Variants in NFATC3 observed in about 807,000 individuals in gnomAD.
NFATC3 encodes the protein nuclear factor of activated T cells 3.
NFATC3 carries 46 observed loss-of-function variants against 98.6 expected under a neutral mutation model. The ratio of observed to expected loss-of-function variants is 0.47; its 90% CI spans 0.37 to 0.60. The LOEUF is 0.60. NFATC3 is among the 20% of genes least tolerant of loss of function. The pLI is 0.00. For missense variants in NFATC3, 1,256 were observed against 1,295.5 expected (o/e 0.97, Z 0.47); for synonymous variants, 512 against 472.2 (o/e 1.08, Z -1.09).
intron 9 of NFATC3, among the ~76,000 whole-genome samples, chr16:68,196,978 C>T (rs1289688585): frequency 1.3e-5 from 2 of 151,718 alleles, no homozygotes; most frequent in Non-Finnish European, 1.5e-5. Context: ...TGCGGTGAGC[C>T]GAGATTGCGC....
intron 3 of NFATC3, among the ~76,000 whole-genome samples, chr16:68,155,131 A>T (rs1471243130): frequency 6.6e-6 from 1 of 152,202 alleles, no homozygotes; most frequent in Non-Finnish European, 1.5e-5. Flanking sequence ...CAGGGAGGAT[A>T]ACCAATAAAT....
chr16:68,174,698 A>G (rs1000656359), intron 6 of NFATC3, among the ~76,000 whole-genome samples, 184 bp downstream of exon 6: 1 of 152,216 alleles, frequency 6.6e-6, no homozygotes, highest in Non-Finnish European at 1.5e-5. Context: ...ATTATCTTTA[A>G]GGAGCTGGGC....
At chr16:68,140,131 GGACTACAA>G (rs2037671311) in intron 3 of NFATC3, among the ~76,000 whole-genome samples, 1 of 152,044 alleles carries the variant, frequency 6.6e-6, no homozygotes, top group Non-Finnish European at 1.5e-5. Context: ...CAAGTAGTTG[GGACTACAA>G]GGCTCATGCC....
At chr16:68,213,034 C>T (rs2041480187) in intron 9 of NFATC3, among the ~76,000 whole-genome samples, 1 of 148,078 alleles carries the variant, frequency 6.8e-6, no homozygotes, top group Non-Finnish European at 1.5e-5. Flanking sequence ...GTCCTCACCT[C>T]ATGATCCACC....
intron 3 of NFATC3, among the ~76,000 whole-genome samples, chr16:68,145,023 G>A (rs982027813): frequency 6.6e-6 from 1 of 152,056 alleles, no homozygotes; most frequent in African/African-American, 2.4e-5. Flanking sequence ...GCCCAGGCTG[G>A]TCTACAACTC....
rs771353158 is a variant in NFATC3 at position 68,166,935 on chromosome 16, G to A, written c.1694G>A (p.Arg565Gln). Reference sequence around the variant, plus strand: ...ATTGGCAGAAAGAATACTAGAGTACGACTTGTGTTTCGTGTACACATCCCA... The same window carrying A: ...ATTGGCAGAAAGAATACTAGAGTACAACTTGTGTTTCGTGTACACATCCCA... The part of the protein sequence containing the change: ...TDIGRKNTRV[R>Q]LVFRVHIPQP... The change falls in exon 5 of 10, where the codon CGA becomes CAA. Residue 565 changes from arginine (R) to glutamine (Q), a missense_variant. Arg to Gln is a conservative substitution (Grantham distance 43). Transcript: ENST00000346183. The A allele has an allele frequency of 1.6e-5, 26 of 1,614,014 alleles. No homozygotes were observed. Among genetic ancestry groups the A allele is most frequent in the African/African-American group, 2.7e-5 (2 of 74,924 alleles).
chr16:68,171,038 T>C lies in NFATC3; in HGVS notation c.1775-3336T>C, dbSNP rs887513119. On this transcript the variant is annotated intron_variant, in intron 5 of 9. Coordinates refer to ENST00000346183, the MANE Select transcript of NFATC3 (RefSeq NM_173165.3). Reference sequence around the variant, plus strand: ...ATTTTATTTTTTTGAGATGGAGTCTTGCTCTGTCGCCCAGGCTGGAGTACA... The same window carrying C: ...ATTTTATTTTTTTGAGATGGAGTCTCGCTCTGTCGCCCAGGCTGGAGTACA... Among the ~76,000 whole-genome samples the C allele has an allele frequency of 2.6e-5, 4 of 151,780 alleles. No homozygotes were observed. In the East Asian group the frequency reaches 7.8e-4, roughly 30 times the overall value.
chr16:68,111,213 G>A (rs1435312511), intron 1 of NFATC3, among the ~76,000 whole-genome samples: 1 of 152,210 alleles, frequency 6.6e-6, no homozygotes, highest in Non-Finnish European at 1.5e-5. Context: ...GTCTGATATT[G>A]ACAGTGGGGT....
chr16:68,155,965 C>T (rs939960011), intron 3 of NFATC3, among the ~76,000 whole-genome samples: 10 of 152,080 alleles, frequency 6.6e-5, no homozygotes, highest in Non-Finnish European at 1.3e-4. Flanking sequence ...AAGGTGGATT[C>T]CGTATACATG....
chr16:68,193,085 AC>A (rs1367374280), intron 9 of NFATC3, among the ~76,000 whole-genome samples: 1 of 151,830 alleles, frequency 6.6e-6, no homozygotes, highest in Non-Finnish European at 1.5e-5. Context: ...GTACAAACAG[AC>A]TTTTTTTTTT....
chr16:68,151,578 G>A (rs1026903429), intron 3 of NFATC3, among the ~76,000 whole-genome samples: 4 of 152,166 alleles, frequency 2.6e-5, no homozygotes, highest in Non-Finnish European at 4.4e-5. Flanking sequence ...TCTGTGAGAT[G>A]TAGACTATTC....
At chr16:68,164,786 A>G (rs2039108953) in intron 4 of NFATC3, among the ~76,000 whole-genome samples, 1 of 152,108 alleles carries the variant, frequency 6.6e-6, no homozygotes, top group South Asian at 2.1e-4. Context: ...AGGCTGAGGC[A>G]GGAGAATCCC....
intron 4 of NFATC3, among the ~76,000 whole-genome samples, chr16:68,162,955 G>A (rs555610812): frequency 7.0e-6 from 1 of 142,204 alleles, no homozygotes; most frequent in Non-Finnish European, 1.5e-5. Flanking sequence ...TCTTAACAAC[G>A]AGCACGCTGC....
At chr16:68,211,553 C>T (rs2041396362) in intron 9 of NFATC3, among the ~76,000 whole-genome samples, 1 of 149,260 alleles carries the variant, frequency 6.7e-6, no homozygotes, top group African/African-American at 2.5e-5. Context: ...GTCGGAGTCT[C>T]ACCCTGTTGC....
intron 9 of NFATC3, chr16:68,221,617 C>CT (rs1309928388): frequency 7.6e-6 from 8 of 1,053,528 alleles, no homozygotes; most frequent in Non-Finnish European, 9.2e-6. Flanking sequence ...CTTAAATCTC[C>CT]TGACTGCTGG....
intron 1 of NFATC3, among the ~76,000 whole-genome samples, chr16:68,098,294 A>ATTTTTTT (rs1376071084): frequency 3.8e-5 from 4 of 104,410 alleles, no homozygotes; most frequent in African/African-American, 1.8e-4. Context: ...TATTATTATT[A>ATTTTTTT]TTATTATTTT....
intron 9 of NFATC3, among the ~76,000 whole-genome samples, chr16:68,219,391 T>A (rs1280129777): frequency 2.0e-5 from 3 of 151,174 alleles, no homozygotes; most frequent in African/African-American, 4.9e-5. Flanking sequence ...TCAAAAAAAA[T>A]AAATAAAAAT....
At chr16:68,148,489 T>C (rs1408393933) in intron 3 of NFATC3, among the ~76,000 whole-genome samples, 1 of 151,994 alleles carries the variant, frequency 6.6e-6, no homozygotes, top group Non-Finnish European at 1.5e-5. Flanking sequence ...TTACAGAAAA[T>C]GGAAACATAA....
intron 5 of NFATC3, among the ~76,000 whole-genome samples, chr16:68,169,921 A>G (rs572178032): frequency 3.3e-5 from 5 of 152,210 alleles, no homozygotes; most frequent in South Asian, 2.1e-4. Context: ...AGACTGGGCA[A>G]CGAACGAAAC....
Sources: allele counts gnomAD v4.1 joint callset (sites outside exome capture counted in the v4.1 genomes callset), GRCh38; gene constraint gnomAD v4.1.1; transcripts MANE v1.5; gene names NCBI Gene and HGNC (gene_info 2026-07-23, HGNC 2026-07-21).